RABGAP1L: variants seen among roughly 807,000 people sequenced by gnomAD.
The protein encoded by RABGAP1L is rab GTPase-activating protein 1-like.
Under a neutral mutation model 137.7 loss-of-function variants are expected in RABGAP1L, and 63 were observed. That is an observed-to-expected ratio of 0.46 (90% confidence interval 0.37 to 0.56). The LOEUF is 0.56. RABGAP1L is among the 20% of genes least tolerant of loss of function. The pLI is 0.00. For synonymous variants in RABGAP1L, 431 were observed against 433.7 expected, an observed-to-expected ratio of 0.99 and a Z score of 0.08; for missense variants, 1,095 against 1,244.0, an observed-to-expected ratio of 0.88 and a Z score of 1.80.
chr1:174,457,204 A>ATAGTT (rs1656129628), intron 13 of RABGAP1L, among the ~76,000 whole-genome samples: 1 of 152,228 alleles, frequency 6.6e-6, no homozygotes, highest in Admixed American at 6.5e-5. Flanking sequence ...TCTAAAGGAT[A>ATAGTT]CCACAGGATA....
chr1:174,741,152 C>T (rs1683373386), intron 17 of RABGAP1L, among the ~76,000 whole-genome samples: 1 of 151,462 alleles, frequency 6.6e-6, no homozygotes, highest in South Asian at 2.1e-4. Context: ...AATTCTTTGC[C>T]TAAACCAACA....
intron 13 of RABGAP1L, among the ~76,000 whole-genome samples, chr1:174,631,318 T>C (rs917682290): frequency 7.2e-6 from 1 of 139,472 alleles, no homozygotes; most frequent in Non-Finnish European, 1.5e-5. Flanking sequence ...TCCAACTATG[T>C]GGTCAATTAT....
chr1:174,613,452 T>C (rs1469530228), intron 13 of RABGAP1L, among the ~76,000 whole-genome samples: 1 of 152,154 alleles, frequency 6.6e-6, no homozygotes, highest in Non-Finnish European at 1.5e-5. Context: ...TCTTTTACAT[T>C]TGCTGAGGAG....
chr1:174,776,185 C>A (rs1342561915), intron 18 of RABGAP1L, among the ~76,000 whole-genome samples: 2 of 152,028 alleles, frequency 1.3e-5, no homozygotes, highest in African/African-American at 4.8e-5. Flanking sequence ...GCCTGGCCAA[C>A]ATGGTGAAAC....
intron 13 of RABGAP1L, among the ~76,000 whole-genome samples, chr1:174,438,445 G>T (rs547398740): frequency 6.6e-6 from 1 of 151,902 alleles, no homozygotes; most frequent in Admixed American, 6.6e-5. Flanking sequence ...TAGGCTGGGC[G>T]CAGTGGCTCA....
At chr1:174,783,143 G>A (rs1447639745) in intron 18 of RABGAP1L, among the ~76,000 whole-genome samples, 1 of 152,152 alleles carries the variant, frequency 6.6e-6, no homozygotes, top group Non-Finnish European at 1.5e-5. Flanking sequence ...CAGGGTGTCC[G>A]CTGCACTCCT....
In RABGAP1L at chr1:174,215,414, G is replaced by A. The variant is rs185419220; in HGVS notation, c.-33-3711G>A. ...GGAGGTTGCAGTGAGCCAATGTTGC[G>A]CCATTATATTCCAGCCTGGGCGACA... On this transcript the variant is annotated intron_variant, in intron 1 of 25. Transcript: ENST00000681986. Among the ~76,000 whole-genome samples, 1,082 of 149,668 alleles carry A rather than the reference G, an allele frequency of 7.2e-3. 13 individuals are homozygous for A. Among genetic ancestry groups the A allele is most frequent in the African/African-American group, 0.025 (1,019 of 40,746 alleles).
chr1:174,335,437 T>G (rs1681396199), intron 11 of RABGAP1L, among the ~76,000 whole-genome samples: 1 of 152,250 alleles, frequency 6.6e-6, no homozygotes, highest in Non-Finnish European at 1.5e-5. Context: ...TGAATTAAGG[T>G]ATCTTTGCCT....
chr1:174,428,629 A>T (rs944286478), intron 13 of RABGAP1L, among the ~76,000 whole-genome samples: 1 of 152,142 alleles, frequency 6.6e-6, no homozygotes. Context: ...GATATTTTTT[A>T]AAAATTCTAC....
intron 13 of RABGAP1L, among the ~76,000 whole-genome samples, chr1:174,614,758 T>G (rs1671633805): frequency 6.6e-6 from 1 of 152,238 alleles, no homozygotes; most frequent in Non-Finnish European, 1.5e-5. Context: ...CCCATATTTC[T>G]TGGAGGCTTT....
At chr1:174,204,754 T>G (rs541301254) in intron 1 of RABGAP1L, among the ~76,000 whole-genome samples, 3 of 152,326 alleles carry the variant, frequency 2.0e-5, no homozygotes, top group Admixed American at 2.0e-4. Context: ...TCCCTTGCTG[T>G]TCTCATGGTA....
chr1:174,512,228 A>G (rs966898289), intron 13 of RABGAP1L, among the ~76,000 whole-genome samples: 2 of 152,184 alleles, frequency 1.3e-5, no homozygotes, highest in Non-Finnish European at 2.9e-5. Context: ...AACACTTACC[A>G]TCTGGGACAC....
At chr1:174,696,437 T>C (rs768046542) in intron 15 of RABGAP1L, among the ~76,000 whole-genome samples, 3 of 152,170 alleles carry the variant, frequency 2.0e-5, no homozygotes. Flanking sequence ...CACTGGATTG[T>C]ATGTACCCCA....
chr1:174,944,467 A>G (rs912755123), intron 19 of RABGAP1L, among the ~76,000 whole-genome samples: 5 of 151,720 alleles, frequency 3.3e-5, no homozygotes, highest in African/African-American at 1.2e-4. Flanking sequence ...AACACAGTGA[A>G]ACCCCACCTC....
intron 13 of RABGAP1L, among the ~76,000 whole-genome samples, chr1:174,407,329 T>A (rs886273841): frequency 6.6e-6 from 1 of 151,894 alleles, no homozygotes; most frequent in Non-Finnish European, 1.5e-5. Flanking sequence ...CCATTATATC[T>A]TTAATTTTCT....
At chr1:174,492,669 G>T (rs970931217) in intron 13 of RABGAP1L, among the ~76,000 whole-genome samples, 1 of 151,918 alleles carries the variant, frequency 6.6e-6, no homozygotes, top group East Asian at 1.9e-4. Flanking sequence ...TTCTTCAAAT[G>T]CACTGTATTC....
intron 20 of RABGAP1L, among the ~76,000 whole-genome samples, chr1:174,966,216 A>G (rs1669610831): frequency 6.6e-6 from 1 of 152,246 alleles, no homozygotes; most frequent in Non-Finnish European, 1.5e-5. Flanking sequence ...TGTAATGTAC[A>G]TAATAGTCGA....
Position 174,780,717 on chromosome 1 carries a change from C to A in RABGAP1L, c.2211+28363C>A, listed in dbSNP as rs1240854268. Among the ~76,000 whole-genome samples, 56 of 114,934 alleles carry A rather than the reference C, an allele frequency of 4.9e-4. 1 individual carries two copies. The highest frequency in any genetic ancestry group is 1.8e-3 in the African/African-American group (56 of 31,224). The allele number at this position is 114,934 out of a possible 152,430, so 75.4% of individuals were successfully genotyped here. On this transcript the variant is annotated intron_variant, in intron 18 of 25. Coordinates refer to ENST00000681986, the MANE Select transcript of RABGAP1L (RefSeq NM_001366446.1). ...ATATCTCCTAATGCTATCCCTCCCC[C>A]CCACCCCCCCACCCCACAACAGTCC...
chr1:174,515,794 C>T (rs4652513), intron 13 of RABGAP1L, among the ~76,000 whole-genome samples: 53,621 of 151,758 alleles, frequency 0.35, 12,121 homozygotes, highest in African/African-American at 0.64. Context: ...AGAAATAGTC[C>T]GCCTTATTGC....
Sources: allele counts gnomAD v4.1 joint callset (sites outside exome capture counted in the v4.1 genomes callset), GRCh38; gene constraint gnomAD v4.1.1; transcripts MANE v1.5; gene names NCBI Gene and HGNC (gene_info 2026-07-23, HGNC 2026-07-21).